Variants in TRAPPC9 observed in about 807,000 individuals in gnomAD.
TRAPPC9 encodes the protein trafficking protein particle complex subunit 9, also known as IKK2 binding protein.
A neutral mutation model predicts 124.0 loss-of-function variants in TRAPPC9; 83 were observed. The observed-to-expected ratio is 0.67, with a 90% CI of 0.56 to 0.80. The LOEUF is 0.80. Among genes scored for constraint, TRAPPC9 ranks in the 30% least tolerant of loss-of-function variants. The probability of loss-of-function intolerance (pLI) is 0.00; values close to 1 mark genes in which losing one functional copy is unlikely to be tolerated. For synonymous variants in TRAPPC9, 638 were observed against 617.5 expected (o/e 1.03, Z -0.49); for missense variants, 1,302 against 1,508.3 (o/e 0.86, Z 2.27).
At chr8:139,790,024 G>A (rs557340222) in intron 21 of TRAPPC9, among the ~76,000 whole-genome samples, 71 of 152,312 alleles carry the variant, frequency 4.7e-4, no homozygotes, top group Admixed American at 8.5e-4. Context: ...TTTGGGGCCT[G>A]GCCGGGCTGG....
intron 4 of TRAPPC9, among the ~76,000 whole-genome samples, chr8:140,431,182 C>T (rs1009994068): frequency 2.0e-5 from 3 of 151,844 alleles, no homozygotes; most frequent in South Asian, 2.1e-4. Flanking sequence ...CCTCGCCGGG[C>T]GCGGTGGCTC....
chr8:139,976,126 C>G (rs564690810), intron 19 of TRAPPC9, among the ~76,000 whole-genome samples: 1 of 152,012 alleles, frequency 6.6e-6, no homozygotes, highest in South Asian at 2.1e-4. Context: ...CTCCTGACCT[C>G]GTGATCCGCT....
chr8:140,007,437 T>C (rs193044919), intron 18 of TRAPPC9, among the ~76,000 whole-genome samples: 2 of 152,286 alleles, frequency 1.3e-5, no homozygotes, highest in Non-Finnish European at 2.9e-5. Flanking sequence ...ATTAAGACAA[T>C]CCAAATTCAC....
chr8:139,857,877 C>T (rs1026621824), intron 21 of TRAPPC9, among the ~76,000 whole-genome samples: 4 of 152,252 alleles, frequency 2.6e-5, no homozygotes, highest in African/African-American at 9.6e-5. Context: ...TGACAGGTCA[C>T]CGAAGAGGCA....
At chr8:140,088,488 T>C (rs1288249721) in intron 17 of TRAPPC9, among the ~76,000 whole-genome samples, 1 of 152,220 alleles carries the variant, frequency 6.6e-6, no homozygotes, top group Non-Finnish European at 1.5e-5. Flanking sequence ...ACTGGGACCT[T>C]TTGAAATTAT....
chr8:139,728,931 C>T lies in TRAPPC9; in HGVS notation c.*2130G>A, dbSNP rs1485492000. Among the ~76,000 whole-genome samples the T allele has an allele frequency of 6.6e-6, 1 of 152,232 alleles. No homozygotes were observed. The highest frequency in any genetic ancestry group is 2.4e-5 in the African/African-American group (1 of 41,464). ...AGAAATAATTACAGTCACCAATATG[C>T]TTGCCACTCAGAATCAAACACTGCC... On this transcript the variant is annotated 3_prime_UTR_variant, in exon 23 of 23. Coordinates refer to ENST00000438773, the MANE Select transcript of TRAPPC9 (RefSeq NM_001160372.4).
At chr8:140,060,946 C>T (rs1842571539) in intron 17 of TRAPPC9, among the ~76,000 whole-genome samples, 1 of 152,188 alleles carries the variant, frequency 6.6e-6, no homozygotes, top group South Asian at 2.1e-4. Context: ...TTTGTGAAAA[C>T]AAGGCTTTAA....
chr8:139,863,262 A>C (rs1828292527), intron 21 of TRAPPC9, among the ~76,000 whole-genome samples: 1 of 152,144 alleles, frequency 6.6e-6, no homozygotes, highest in Admixed American at 6.5e-5. Context: ...TCTCCCCAGG[A>C]CTCAGTGAGC....
chr8:140,010,557 GA>G (rs1195242590), intron 18 of TRAPPC9, among the ~76,000 whole-genome samples: 2 of 152,098 alleles, frequency 1.3e-5, no homozygotes, highest in East Asian at 3.8e-4. Context: ...AGAATACACA[GA>G]AGAAATGCAA....
intron 16 of TRAPPC9, among the ~76,000 whole-genome samples, chr8:140,231,894 A>G (rs1311428012): frequency 6.6e-6 from 1 of 152,074 alleles, no homozygotes; most frequent in Non-Finnish European, 1.5e-5. Flanking sequence ...CTTTAAATTA[A>G]GTCAAACCCT....
At chr8:140,100,808 T>C (rs564462518) in intron 17 of TRAPPC9, among the ~76,000 whole-genome samples, 137 of 152,276 alleles carry the variant, frequency 9.0e-4, no homozygotes, top group African/African-American at 3.0e-3. Flanking sequence ...CTCCGTGTCC[T>C]AGACTGCGGG....
chr8:140,213,057 C>A (rs1587937172), intron 17 of TRAPPC9, among the ~76,000 whole-genome samples: 2 of 144,792 alleles, frequency 1.4e-5, no homozygotes, highest in Non-Finnish European at 3.0e-5. Context: ...GGTGACAGAG[C>A]AAGACTCTGT....
chr8:139,791,452 G>A (rs1295085822), intron 21 of TRAPPC9, among the ~76,000 whole-genome samples: 5 of 148,296 alleles, frequency 3.4e-5, no homozygotes, highest in Non-Finnish European at 5.9e-5. Flanking sequence ...ACAGACTCAC[G>A]GGTACCCGTC....
chr8:140,352,423 A>G (rs532851708), intron 9 of TRAPPC9, among the ~76,000 whole-genome samples: 71 of 152,224 alleles, frequency 4.7e-4, no homozygotes, highest in Non-Finnish European at 9.1e-4. Context: ...TCTACCAGCA[A>G]GTCAGATTCG....
chr8:140,263,933 T>G (rs2064521826), intron 15 of TRAPPC9, among the ~76,000 whole-genome samples: 1 of 152,078 alleles, frequency 6.6e-6, no homozygotes, highest in Non-Finnish European at 1.5e-5. Flanking sequence ...AAGTGGGACT[T>G]GATGTGAAAA....
intron 14 of TRAPPC9, among the ~76,000 whole-genome samples, chr8:140,276,405 G>C (rs1051929522): frequency 2.6e-5 from 4 of 152,170 alleles, no homozygotes; most frequent in African/African-American, 7.2e-5. Context: ...GGGTCAGGCA[G>C]TATCTGTGGG....
intron 17 of TRAPPC9, among the ~76,000 whole-genome samples, chr8:140,030,040 G>A (rs926780405): frequency 1.3e-5 from 2 of 152,082 alleles, no homozygotes; most frequent in African/African-American, 4.8e-5. Context: ...AAGAAAAGCT[G>A]AATGATCAAT....
chr8:140,166,101 G>C (rs925119617), intron 17 of TRAPPC9, among the ~76,000 whole-genome samples: 6 of 152,278 alleles, frequency 3.9e-5, no homozygotes, highest in African/African-American at 1.4e-4. Context: ...AGTCCAGCTG[G>C]AATAGCAACC....
intron 21 of TRAPPC9, among the ~76,000 whole-genome samples, chr8:139,766,751 G>C (rs1004649559): frequency 6.6e-6 from 1 of 152,076 alleles, no homozygotes; most frequent in Non-Finnish European, 1.5e-5. Flanking sequence ...ACAACAGATC[G>C]GTCTCAGGCT....
Sources: gnomAD v4.1 joint callset for allele counts (sites outside exome capture counted in the v4.1 genomes callset) on GRCh38, gnomAD v4.1.1 for gene constraint, MANE v1.5 for transcripts, NCBI Gene and HGNC (gene_info 2026-07-23, HGNC 2026-07-21) for gene names.